The following XPC variants were observed in gnomAD, a reference collection of about 807,000 sequenced individuals.
XPC encodes DNA repair protein complementing XP-C cells.
In XPC, 76 loss-of-function variants were observed where a neutral mutation model predicts 95.8. The observed-to-expected ratio is 0.79, with a 90% CI of 0.66 to 0.96. XPC has a LOEUF of 0.96. XPC is among the 40% of genes least tolerant of loss of function. The pLI, the probability that XPC is intolerant of heterozygous loss-of-function variation, is 0.00. For missense variants in XPC, 1,146 were observed against 1,179.8 expected (o/e 0.97, Z 0.42); for synonymous variants, 442 against 442.1 (o/e 1.00, Z 0.00).
chr3:14,145,307 C>A lies in XPC; in HGVS notation c.*634G>T, dbSNP rs1185497398. ...ATTTTCAATTCGTATTTTTCCTTTT[C>A]TTTCCTGATTTTAGCTTTTTTTAGG... On this transcript the variant is annotated 3_prime_UTR_variant, in exon 16 of 16. Transcript: ENST00000285021. 2.9e-6 allele frequency: 2 copies of A among 697,318 alleles called. No individual in the cohort carries two copies. Among genetic ancestry groups the A allele is most frequent in the Non-Finnish European group, 5.2e-6 (2 of 383,846 alleles). 43.2% of individuals were successfully genotyped at this position (697,318 alleles called of 1,614,324 possible).
chr3:14,148,514 C>G, intron 13 of XPC, 48 bp downstream of exon 13: 1 of 1,599,530 alleles, frequency 6.3e-7, no homozygotes, highest in Non-Finnish European at 8.5e-7. Context: ...TCTGGAGCCA[C>G]CCCTCCCCAT....
At chr3:14,155,588 C>T (rs1018710851) in intron 10 of XPC, among the ~76,000 whole-genome samples, 7 of 152,114 alleles carry the variant, frequency 4.6e-5, no homozygotes, top group South Asian at 2.1e-4. Context: ...TACGGAGTCT[C>T]GTTCTGTCAC....
chr3:14,160,848 C>T (rs1185780808), intron 7 of XPC, among the ~76,000 whole-genome samples: 1 of 152,198 alleles, frequency 6.6e-6, no homozygotes, highest in Non-Finnish European at 1.5e-5. Context: ...GTGTTCACCA[C>T]TAGCTGAGTG....
intron 10 of XPC, among the ~76,000 whole-genome samples, chr3:14,154,514 G>GC (rs34574722): frequency 0.64 from 97,911 of 151,954 alleles, 31,837 homozygotes; most frequent in African/African-American, 0.73. Context: ...GAACCCTGAG[G>GC]CATTATGCTA....
rs1696002658 is a variant in XPC, at chr3:14,158,221, C to T, written c.1662G>A (p.Gln554=). 1 of 1,613,934 alleles carries T rather than the reference C, an allele frequency of 6.2e-7. No individual in the cohort carries two copies. The highest frequency in any genetic ancestry group is 2.2e-5 in the East Asian group (1 of 44,868). ...CVDCVHGVVG[Q]PLTCYKYATK... is the part of the protein sequence containing the mutation. The stretch of plus-strand genomic sequence containing the variant: ...TGGCGTACTTGTAACAGGTCAGAGG[C>T]TGGCCCACCACACCGTGCACACAGT... The change falls in exon 9 of 16, where the codon CAG becomes CAA. Residue 554 remains glutamine, a synonymous_variant. Coordinates refer to ENST00000285021, the MANE Select transcript of XPC (RefSeq NM_004628.5). The surrounding 1 kb of genome is among the most constrained non-coding windows in gnomAD (Gnocchi z 5.2).
Position 14,168,320 on chromosome 3 carries a change from A to C in XPC, c.473T>G (p.Leu158Arg). ...CTCTATCTCCACTGGCTTCACAGGC[A>C]GAAGAGATCGAGAGAAGGCTGTACT... ...RESTAFSRSL[L>R]PVKPVEIEIE... Residue 158 changes from leucine (L) to arginine (R), a missense_variant, in exon 4 of 16, where the codon CTG (leucine) becomes CGG (arginine). Leu to Arg is a moderately radical substitution (Grantham distance 102). Coordinates refer to ENST00000285021, the MANE Select transcript of XPC (RefSeq NM_004628.5). 6.2e-7 allele frequency: 1 copy of C among 1,614,002 alleles called. No homozygotes were observed.
chr3:14,158,323 T>G lies in XPC; in HGVS notation c.1560A>C (p.Ala520=), dbSNP rs758788254. The G allele has an allele frequency of 1.9e-6, 3 of 1,614,040 alleles. No individual in the cohort carries two copies. Among genetic ancestry groups the G allele is most frequent in the Non-Finnish European group, 2.5e-6 (3 of 1,179,904 alleles). ...CTATACCAGCTATGCTTCTTTTTTC[T>G]GCCTTCTCACCATCGCTGCACATTT... ...GKKMCSDGEK[A]EKRSIAGIDQ... The change falls in exon 9 of 16, where the codon GCA becomes GCC. Residue 520 remains alanine, a synonymous_variant. Transcript: ENST00000285021. This position sits in a 1 kb window ranked among gnomAD's most constrained non-coding sequence, Gnocchi z 5.2.
At chr3:14,170,356 A>G (rs1329337127) in intron 3 of XPC, 82 bp downstream of exon 3, 11 of 1,307,874 alleles carry the variant, frequency 8.4e-6, no homozygotes, top group East Asian at 2.3e-5. Context: ...AAGGATTGCA[A>G]TTAGTGATCT....
intron 11 of XPC, among the ~76,000 whole-genome samples, chr3:14,152,101 C>T (rs1695713879): frequency 6.6e-6 from 1 of 151,824 alleles, no homozygotes; most frequent in Admixed American, 6.6e-5. Flanking sequence ...TACTTTTTGG[C>T]CTAGATTTCT....
rs754577568 is a variant in XPC, at chr3:14,173,043, T to C, written c.123A>G (p.Lys41=). The change falls in exon 2 of 16, where the codon AAA becomes AAG. Residue 41 remains lysine (K), a synonymous_variant. Transcript: ENST00000285021. The part of the protein sequence containing the change: ...EEEEDAFEDE[K]PPKKSLLSKV... ...TGGAGAGAAGGCTCTTCTTTGGGGG[T>C]TTCTCATCTTCAAAGGCATCTAGGT... The C allele has an allele frequency of 1.3e-6, 2 of 1,590,072 alleles. No individual in the cohort carries two copies. Among genetic ancestry groups the C allele is most frequent in the South Asian group, 1.1e-5 (1 of 87,372 alleles).
intron 14 of XPC, 52 bp from the exon 15 acceptor site, chr3:14,147,431 G>A (rs1695486439): frequency 6.6e-7 from 1 of 1,512,602 alleles, no homozygotes; most frequent in African/African-American, 1.4e-5. Context: ...ACATTTTCAG[G>A]AAAAATATTA....
At chr3:14,147,510 A>C in intron 14 of XPC, 131 bp from the exon 15 acceptor site, 2 of 878,694 alleles carry the variant, frequency 2.3e-6, no homozygotes, top group Non-Finnish European at 3.5e-6. Flanking sequence ...CTTCACACCA[A>C]GTCTCACTTC....
intron 8 of XPC, 105 bp downstream of exon 8, chr3:14,159,636 C>T (rs1006181497): frequency 3.4e-6 from 4 of 1,191,468 alleles, no homozygotes; most frequent in Non-Finnish European, 4.8e-6. Context: ...AGAACCCACA[C>T]TCCGTGAATA....
chr3:14,148,802 T>A lies in XPC; in HGVS notation c.2250+12A>T. On this transcript the variant is annotated intron_variant, in intron 12 of 15. Coordinates refer to ENST00000285021, the MANE Select transcript of XPC (RefSeq NM_004628.5). ...GCGGCCTGGTCCTGAGCCCTTCTGA[T>A]GCTGCCCTTACCTTCCCGTCCACGG... 6.2e-7 allele frequency: 1 copy of A among 1,613,940 alleles called. No individual in the cohort carries two copies. The highest frequency in any genetic ancestry group is 8.5e-7 in the Non-Finnish European group (1 of 1,179,812).
intron 11 of XPC, among the ~76,000 whole-genome samples, chr3:14,150,755 T>C (rs1034608414): frequency 4.6e-5 from 7 of 152,210 alleles, no homozygotes; most frequent in Middle Eastern, 3.4e-3. Context: ...GAAAGGCTGC[T>C]CAAAACAGGT....
chr3:14,148,906 C>G lies in XPC; in HGVS notation c.2158G>C (p.Ala720Pro). ...FSNRARKARL[A>P]EPQLREENDL... ...TTTTCTTCCCGCAGCTGGGGCTCAG[C>G]AAGTCGGGCTTTCCGAGCACGGTTA... Residue 720 changes from alanine to proline, a missense_variant, in exon 12 of 16, where the codon GCT becomes CCT. Transcript: ENST00000285021. 1 of 1,614,010 alleles carries G rather than the reference C, an allele frequency of 6.2e-7. No homozygotes were observed. Among genetic ancestry groups the G allele is most frequent in the Non-Finnish European group, 8.5e-7 (1 of 1,179,908 alleles).
rs748121825 is a variant in XPC, at chr3:14,178,549, G to A, written c.20C>T (p.Ala7Val). Reference sequence around the variant, plus strand: ...TTCGCGTCCCCGCGGCTCCCCGCCGGCCGCGCGTTTCCGAGCCATGTTGCT... The same window carrying A: ...TTCGCGTCCCCGCGGCTCCCCGCCGACCGCGCGTTTCCGAGCCATGTTGCT... MARKRA[A>V]GGEPRGRELR... Residue 7 changes from alanine (A) to valine (V), a missense_variant, in exon 1 of 16, where the codon GCC (alanine) becomes GTC (valine). Physicochemically the swap from Ala to Val is moderately conservative, Grantham distance 64. Coordinates refer to ENST00000285021, the MANE Select transcript of XPC (RefSeq NM_004628.5). The A allele has an allele frequency of 3.1e-6, 5 of 1,612,912 alleles. No homozygotes were observed. In the South Asian group the frequency reaches 5.5e-5, roughly 18 times the overall value.
Position 14,174,149 on chromosome 3 carries a change from C to T in XPC, c.104-1087G>A, listed in dbSNP as rs185685934. On this transcript the variant is annotated intron_variant, in intron 1 of 15. Coordinates refer to ENST00000285021, the MANE Select transcript of XPC (RefSeq NM_004628.5). Reference sequence around the variant, plus strand: ...TATTTTAATGTTAGATCATTGATTCCGTTGTTTCTTTAAATGTTTTATAAA... The same window carrying T: ...TATTTTAATGTTAGATCATTGATTCTGTTGTTTCTTTAAATGTTTTATAAA... Among the ~76,000 whole-genome samples, 301 of 152,166 alleles carry T rather than the reference C, an allele frequency of 2.0e-3. 1 individual carries two copies. The highest frequency in any genetic ancestry group is 3.4e-3 in the African/African-American group (141 of 41,528).
chr3:14,174,738 G>C, intron 1 of XPC, among the ~76,000 whole-genome samples: 1 of 152,150 alleles, frequency 6.6e-6, no homozygotes. Context: ...TGTTACTCAT[G>C]CAAAGTTGAT....
Sources: gnomAD v4.1 joint callset for allele counts (sites outside exome capture counted in the v4.1 genomes callset) on GRCh38, gnomAD v4.1.1 for gene constraint, Gnocchi (gnomAD v3.1) non-coding constraint, MANE v1.5 for transcripts, NCBI Gene and HGNC (gene_info 2026-07-23, HGNC 2026-07-21) for gene names.